Variants in CLCA4 observed in about 807,000 individuals in gnomAD.
CLCA4 encodes chloride channel accessory 4, also known as calcium-activated chloride channel regulator 4.
Under a neutral mutation model 78.9 loss-of-function variants are expected in CLCA4, and 69 were observed. The observed-to-expected ratio is 0.87, with a 90% CI of 0.72 to 1.07. The LOEUF is 1.07. Ranked by LOEUF, CLCA4 falls within the 50% of genes least tolerant of loss-of-function variation. The pLI is 0.00. For synonymous variants in CLCA4, 362 were observed against 375.8 expected, an observed-to-expected ratio of 0.96 and a Z score of 0.42; for missense variants, 1,133 against 1,095.8, an observed-to-expected ratio of 1.03 and a Z score of -0.48.
At chr1:86,568,769 AT>A (rs1650270757) in intron 7 of CLCA4, among the ~76,000 whole-genome samples, 1 of 151,954 alleles carries the variant, frequency 6.6e-6, no homozygotes, top group Admixed American at 6.6e-5. Context: ...CCAACTCTGC[AT>A]GTTAAAATTC....
At chr1:86,548,798 TA>T (rs1649572685) in intron 1 of CLCA4, among the ~76,000 whole-genome samples, 1 of 151,830 alleles carries the variant, frequency 6.6e-6, no homozygotes. Flanking sequence ...TTCAGGAAGT[TA>T]AAAGCAGTGT....
chr1:86,554,790 T>C (rs1649784039), intron 1 of CLCA4, among the ~76,000 whole-genome samples: 1 of 152,164 alleles, frequency 6.6e-6, no homozygotes, highest in Admixed American at 6.5e-5. Context: ...TCCACAGTGG[T>C]TGAACTAATT....
intron 6 of CLCA4, among the ~76,000 whole-genome samples, chr1:86,566,837 G>A (rs1650204173): frequency 6.6e-6 from 1 of 151,966 alleles, no homozygotes. Flanking sequence ...GGGTCCTGAG[G>A]GTTACCAAAG....
chr1:86,555,389 A>T (rs1466786376), intron 1 of CLCA4, among the ~76,000 whole-genome samples: 2 of 152,182 alleles, frequency 1.3e-5, no homozygotes, highest in African/African-American at 4.8e-5. Context: ...ACATGGTGTA[A>T]GGAAGGGATC....
chr1:86,562,796 G>A (rs1650062550), intron 3 of CLCA4, among the ~76,000 whole-genome samples: 1 of 150,336 alleles, frequency 6.7e-6, no homozygotes, highest in South Asian at 2.1e-4. Context: ...AGAGGTTGCA[G>A]TGAGCTGAGA....
intron 9 of CLCA4, among the ~76,000 whole-genome samples, chr1:86,573,251 C>CA (rs1368157049): frequency 6.6e-6 from 1 of 150,754 alleles, no homozygotes; most frequent in African/African-American, 2.4e-5. Flanking sequence ...TTTTCGGTGG[C>CA]TTTTTTTTTA....
At chr1:86,573,430 C>T (rs1432634238) in intron 9 of CLCA4, among the ~76,000 whole-genome samples, 1 of 151,972 alleles carries the variant, frequency 6.6e-6, no homozygotes, top group African/African-American at 2.4e-5. Context: ...AAATATTTCT[C>T]TTCTTTTCAT....
At chr1:86,559,804 A>C in intron 1 of CLCA4, 128 bp from the exon 2 acceptor site, 1 of 708,846 alleles carries the variant, frequency 1.4e-6, no homozygotes, top group Non-Finnish European at 2.4e-6. Flanking sequence ...ATAATGAGAC[A>C]GAGACCCTAC....
In CLCA4 at chr1:86,574,687, A is replaced by G. The variant is rs745655834; in HGVS notation, c.1615A>G (p.Ile539Val). 3.1e-6 allele frequency: 5 copies of G among 1,613,270 alleles called. No homozygotes were observed. Among genetic ancestry groups the G allele is most frequent in the African/African-American group, 1.3e-5 (1 of 74,862 alleles). ...TTCTCTCTGGGATCCCAGTGGAACA[A>G]TAATGGAAAATTTCACAGTGGATGC... is the stretch of plus-strand genomic sequence containing the variant. The part of the protein sequence containing the change: ...SISLWDPSGT[I>V]MENFTVDATS... Residue 539 changes from isoleucine (I) to valine (V), a missense_variant, in exon 10 of 14, where the codon ATA (isoleucine) becomes GTA (valine). Ile to Val is a conservative substitution (Grantham distance 29). Transcript: ENST00000370563.
chr1:86,563,947 T>A (rs1650099508), intron 4 of CLCA4, among the ~76,000 whole-genome samples, 178 bp downstream of exon 4: 3 of 152,146 alleles, frequency 2.0e-5, no homozygotes, highest in African/African-American at 7.2e-5. Flanking sequence ...ATACATAATT[T>A]CAATGGCAAG....
intron 7 of CLCA4, among the ~76,000 whole-genome samples, 200 bp from the exon 8 acceptor site, chr1:86,570,877 C>T (rs1372825787): frequency 6.6e-6 from 1 of 152,080 alleles, no homozygotes; most frequent in East Asian, 1.9e-4. Flanking sequence ...TAAATACTAC[C>T]TGCAGCTGGG....
chr1:86,579,405 C>A lies in CLCA4; in HGVS notation c.2174C>A (p.Thr725Asn), dbSNP rs1051320508. 6.2e-7 allele frequency: 1 copy of A among 1,613,232 alleles called. No homozygotes were observed. Among genetic ancestry groups the A allele is most frequent in the Non-Finnish European group, 8.5e-7 (1 of 1,179,498 alleles). Residue 725 changes from threonine (T) to asparagine (N), a missense_variant, in exon 13 of 14, where the codon ACC becomes AAC. Physicochemically the swap from Thr to Asn is moderately conservative, Grantham distance 65. Coordinates refer to ENST00000370563, the MANE Select transcript of CLCA4 (RefSeq NM_012128.4). ...PRPEIDEDTQ[T>N]TLEDFSRTAS... ...CCTGAAATTGATGAGGATACTCAGA[C>A]CACCTTGGAGGATTTCAGCCGAACA...
At chr1:86,576,579 A>G (rs985687465) in intron 11 of CLCA4, among the ~76,000 whole-genome samples, 2 of 152,110 alleles carry the variant, frequency 1.3e-5, no homozygotes, top group Non-Finnish European at 2.9e-5. Flanking sequence ...TGAGGACAGC[A>G]TCAAGAAAGC....
In CLCA4 at chr1:86,580,140, A is replaced by G. The variant is rs200519321; in HGVS notation, c.2555A>G (p.Asn852Ser). ...GCCATTAAAAGTATAGATAAAAGCA[A>G]TTTGACATCAAAAGTATCCAACATT... The part of the protein sequence containing the change: ...FIAIKSIDKS[N>S]LTSKVSNIAQ... The change falls in exon 14 of 14, where the codon AAT becomes AGT. Residue 852 changes from asparagine to serine, a missense_variant. Coordinates refer to ENST00000370563, the MANE Select transcript of CLCA4 (RefSeq NM_012128.4). 1.9e-6 allele frequency: 3 copies of G among 1,612,738 alleles called. No individual in the cohort carries two copies. In the African/African-American group the frequency reaches 4.0e-5, roughly 22 times the overall value.
chr1:86,580,178 T>G lies in CLCA4; in HGVS notation c.2593T>G (p.Leu865Val). The G allele has an allele frequency of 3.7e-6, 6 of 1,612,548 alleles. No homozygotes were observed. Among genetic ancestry groups the G allele is most frequent in the Non-Finnish European group, 5.1e-6 (6 of 1,179,382 alleles). Residue 865 changes from leucine to valine, a missense_variant, in exon 14 of 14, where the codon TTG becomes GTG. Transcript: ENST00000370563. ...SKVSNIAQVT[L>V]FIPQANPDDI... ...AGTATCCAACATTGCACAAGTAACTTTGTTTATCCCTCAAGCAAATCCTGA... is the reference window on the plus strand; with the variant it reads ...AGTATCCAACATTGCACAAGTAACTGTGTTTATCCCTCAAGCAAATCCTGA...
chr1:86,552,473 T>G (rs1649694730), intron 1 of CLCA4, among the ~76,000 whole-genome samples: 1 of 152,224 alleles, frequency 6.6e-6, no homozygotes, highest in Admixed American at 6.5e-5. Flanking sequence ...TTGCAGACCC[T>G]GCTGATGATG....
intron 9 of CLCA4, among the ~76,000 whole-genome samples, chr1:86,573,119 C>G (rs975303788): frequency 2.0e-5 from 3 of 151,916 alleles, no homozygotes; most frequent in African/African-American, 7.2e-5. Flanking sequence ...AACATGAACT[C>G]AAGAACCTGG....
At chr1:86,547,975 T>C (rs1649547918) in intron 1 of CLCA4, among the ~76,000 whole-genome samples, 1 of 152,238 alleles carries the variant, frequency 6.6e-6, no homozygotes, top group Non-Finnish European at 1.5e-5. Flanking sequence ...ACTAGTGGAA[T>C]TGCTGAATCA....
chr1:86,549,193 G>A (rs1165741439), intron 1 of CLCA4, among the ~76,000 whole-genome samples: 1 of 152,132 alleles, frequency 6.6e-6, no homozygotes, highest in East Asian at 1.9e-4. Flanking sequence ...TATTTCATGA[G>A]GGAAGTCAGG....
Sources: gnomAD v4.1 joint callset for allele counts (sites outside exome capture counted in the v4.1 genomes callset) on GRCh38, gnomAD v4.1.1 for gene constraint, MANE v1.5 for transcripts, NCBI Gene and HGNC (gene_info 2026-07-23, HGNC 2026-07-21) for gene names.